The following ACSM1 variants were observed in gnomAD, a reference collection of about 807,000 sequenced individuals.
ACSM1 encodes acyl-coenzyme A synthetase ACSM1, mitochondrial.
A neutral mutation model predicts 75.8 loss-of-function variants in ACSM1; 79 were observed. The ratio of observed to expected loss-of-function variants is 1.04; its 90% CI spans 0.87 to 1.26. The LOEUF is 1.26. Ranked by LOEUF, ACSM1 falls within the 50% of genes most tolerant of loss-of-function variation. ACSM1 has a pLI of 0.00. For missense variants in ACSM1, 676 were observed against 720.1 expected (o/e 0.94, Z 0.70); for synonymous variants, 279 against 265.8 (o/e 1.05, Z -0.48).
chr16:20,634,080 T>C (rs1003975270), intron 10 of ACSM1, among the ~76,000 whole-genome samples: 3 of 152,164 alleles, frequency 2.0e-5, no homozygotes, highest in African/African-American at 4.8e-5. Context: ...CTCTCCCATA[T>C]ATTGTCAATT....
Position 20,661,872 on chromosome 16 carries a change from G to A in ACSM1, c.914C>T (p.Thr305Ile), listed in dbSNP as rs1212552221. The change falls in exon 7 of 14, where the codon ACA becomes ATA. Residue 305 changes from threonine to isoleucine, a missense_variant and splice_region_variant. Transcript: ENST00000520010. ...GTGGTTAATGGGGTATTTCAACAAT[G>A]TCTGGAAAGGGAAGAGAGAAGAAAT... ...PQFDTKVIIQ[T>I]LLKYPINHFW... The A allele has an allele frequency of 6.3e-7, 1 of 1,599,180 alleles. No individual in the cohort carries two copies. Among genetic ancestry groups the A allele is most frequent in the Non-Finnish European group, 8.6e-7 (1 of 1,168,164 alleles).
intron 4 of ACSM1, chr16:20,681,815 T>A (rs2079451954): frequency 6.4e-6 from 1 of 156,504 alleles, no homozygotes; most frequent in South Asian, 1.9e-4. Context: ...GAGAAAGAGG[T>A]GGAGTCCTTT....
Position 20,691,037 on chromosome 16 carries a change from A to C in ACSM1, c.152T>G (p.Phe51Cys), listed in dbSNP as rs2079644040. The C allele has an allele frequency of 6.2e-7, 1 of 1,613,588 alleles. No homozygotes were observed. The highest frequency in any genetic ancestry group is 1.3e-5 in the African/African-American group (1 of 75,002). ...CCAGTAGTCCAGTACATAACTTGCA[A>C]AGTTAAATTCCTCCGGTACTTCATA... ...NDYEVPEEFN[F>C]ASYVLDYWAQ... The change falls in exon 2 of 14, where the codon TTT (phenylalanine) becomes TGT (cysteine). Residue 51 changes from phenylalanine (F) to cysteine (C), a missense_variant. Physicochemically the swap from Phe to Cys is radical, Grantham distance 205. Coordinates refer to ENST00000520010, the MANE Select transcript of ACSM1 (RefSeq NM_001318890.3).
At chr16:20,678,011 AAAATAAATAAATAAATAAAT>A (rs146714630) in intron 4 of ACSM1, among the ~76,000 whole-genome samples, 4 of 143,762 alleles carry the variant, frequency 2.8e-5, no homozygotes, top group Non-Finnish European at 6.0e-5. Context: ...ACTAAAGGCT[AAAATAAATAAATAAATAAAT>A]AAATAAATAA....
intron 11 of ACSM1, 54 bp from the exon 12 acceptor site, chr16:20,625,576 C>G (rs1485174297): frequency 1.3e-6 from 2 of 1,512,076 alleles, no homozygotes. Flanking sequence ...AACCAAGTCC[C>G]CAGATCTCCT....
At chr16:20,664,758 A>G (rs1490992098) in intron 6 of ACSM1, among the ~76,000 whole-genome samples, 2 of 152,186 alleles carry the variant, frequency 1.3e-5, no homozygotes, top group African/African-American at 2.4e-5. Flanking sequence ...TCAGTCATAA[A>G]GCAAGTCTCA....
intron 7 of ACSM1, among the ~76,000 whole-genome samples, chr16:20,660,940 G>A (rs959804365): frequency 1.4e-4 from 22 of 152,220 alleles, no homozygotes; most frequent in African/African-American, 4.6e-4. Flanking sequence ...CCAAATGTTG[G>A]CAGGAACATG....
Position 20,636,723 on chromosome 16 carries a change from G to A in ACSM1, c.1299+16C>T. On this transcript the variant is annotated intron_variant, in intron 10 of 13. Transcript: ENST00000520010. The stretch of plus-strand genomic sequence containing the variant: ...GATCCTTGGGGCCAGGATGGGGGCA[G>A]ATGGGGGGTCATTACCTCATAGCAC... 1 of 1,604,116 alleles carries A rather than the reference G, an allele frequency of 6.2e-7. No homozygotes were observed. Among genetic ancestry groups the A allele is most frequent in the Admixed American group, 1.7e-5 (1 of 59,982 alleles).
Position 20,671,644 on chromosome 16 carries a change from A to G in ACSM1, c.639T>C (p.Val213=), listed in dbSNP as rs1310906283. 6.2e-7 allele frequency: 1 copy of G among 1,608,994 alleles called. No individual in the cohort carries two copies. Among genetic ancestry groups the G allele is most frequent in the Non-Finnish European group, 8.5e-7 (1 of 1,177,500 alleles). The change falls in exon 5 of 14, where the codon GTT becomes GTC. Residue 213 remains valine (V), a synonymous_variant. Transcript: ENST00000520010. ...VKSASPEHTC[V]KSKTLDPMVI... ...CCATTGGGTCCAAGGTCTTTGACTTAACACAGGTGTGTTCTGGGGATGCTG... is the reference window on the plus strand; with the variant it reads ...CCATTGGGTCCAAGGTCTTTGACTTGACACAGGTGTGTTCTGGGGATGCTG...
At position 20,671,690 on chromosome 16, in the gene ACSM1, C is replaced by A. The variant is rs1395182202; in HGVS notation, c.612-19G>T. Reference sequence around the variant, plus strand: ...TGCTGATCTGCAAAGGGGTTCAAGACAAAAGGAAAAAAGTCATGATTGCTG... The same window carrying A: ...TGCTGATCTGCAAAGGGGTTCAAGAAAAAAGGAAAAAAGTCATGATTGCTG... On this transcript the variant is annotated intron_variant, in intron 4 of 13. Transcript: ENST00000520010. 4.6e-6 allele frequency: 7 copies of A among 1,509,656 alleles called. No individual in the cohort carries two copies. The highest frequency in any genetic ancestry group is 4.5e-5 in the Admixed American group (2 of 44,264). The allele number at this position is 1,509,656 out of a possible 1,614,324, so 93.5% of individuals were successfully genotyped here.
At chr16:20,675,700 T>C (rs2020237561) in intron 4 of ACSM1, among the ~76,000 whole-genome samples, 1 of 152,192 alleles carries the variant, frequency 6.6e-6, no homozygotes, top group South Asian at 2.1e-4. Flanking sequence ...AATGGCACTA[T>C]AGGTAAATTG....
chr16:20,643,462 C>A (rs2018180130), intron 7 of ACSM1, among the ~76,000 whole-genome samples: 1 of 152,182 alleles, frequency 6.6e-6, no homozygotes, highest in Non-Finnish European at 1.5e-5. Context: ...GGTGTTACAG[C>A]TCTTAAAAGT....
chr16:20,648,146 C>T lies in ACSM1; in HGVS notation c.993-7562G>A, dbSNP rs189255704. On this transcript the variant is annotated intron_variant, in intron 7 of 13. Coordinates refer to ENST00000520010, the MANE Select transcript of ACSM1 (RefSeq NM_001318890.3). This position sits in a 1 kb window ranked among gnomAD's most constrained non-coding sequence, Gnocchi z 4.2. ...ACCACCTGGTGTTGGGCCTGATAACCCCAACATTTCTATGCCTTTCTCATA... is the reference window on the plus strand; with the variant it reads ...ACCACCTGGTGTTGGGCCTGATAACTCCAACATTTCTATGCCTTTCTCATA... Among the ~76,000 whole-genome samples, 1 of 152,282 alleles carries T rather than the reference C, an allele frequency of 6.6e-6. No homozygotes were observed. The highest frequency in any genetic ancestry group is 2.4e-5 in the African/African-American group (1 of 41,554).
At chr16:20,682,608 G>A in intron 3 of ACSM1, 145 bp from the exon 4 acceptor site, 1 of 596,680 alleles carries the variant, frequency 1.7e-6, no homozygotes, top group Non-Finnish European at 3.0e-6. Flanking sequence ...TATCCAGGAT[G>A]CAGAATCTCA....
chr16:20,641,866 C>A (rs548187311), intron 7 of ACSM1, among the ~76,000 whole-genome samples: 1 of 152,132 alleles, frequency 6.6e-6, no homozygotes, highest in Non-Finnish European at 1.5e-5. Flanking sequence ...CACCCAAGAA[C>A]GTGTAAAAGA....
At chr16:20,675,012 G>A (rs916841916) in intron 4 of ACSM1, among the ~76,000 whole-genome samples, 10 of 152,180 alleles carry the variant, frequency 6.6e-5, no homozygotes, top group South Asian at 6.2e-4. Flanking sequence ...AAAATGGGCC[G>A]ATACAGCGGC....
At chr16:20,633,757 C>A (rs55645671) in intron 10 of ACSM1, among the ~76,000 whole-genome samples, 18,112 of 152,020 alleles carry the variant, frequency 0.12, 1,604 homozygotes, top group East Asian at 0.49. Flanking sequence ...AGGCCAGGCG[C>A]GGTAGCTCAC....
At chr16:20,687,240 G>A (rs997478528) in intron 2 of ACSM1, among the ~76,000 whole-genome samples, 3 of 152,082 alleles carry the variant, frequency 2.0e-5, no homozygotes, top group Non-Finnish European at 4.4e-5. Context: ...GTAACAGGCT[G>A]TGCAAAAACA....
At chr16:20,636,157 A>T (rs746182682) in intron 10 of ACSM1, among the ~76,000 whole-genome samples, 7 of 152,210 alleles carry the variant, frequency 4.6e-5, no homozygotes, top group Non-Finnish European at 1.0e-4. Context: ...TCATCCTTCC[A>T]TGGCCAATAT....
Sources: gnomAD v4.1 joint callset for allele counts (sites outside exome capture counted in the v4.1 genomes callset) on GRCh38, gnomAD v4.1.1 for gene constraint, Gnocchi (gnomAD v3.1) non-coding constraint, MANE v1.5 for transcripts, NCBI Gene and HGNC (gene_info 2026-07-23, HGNC 2026-07-21) for gene names.